The following SLC30A9 variants were observed in gnomAD, a reference collection of about 807,000 sequenced individuals.
The protein encoded by SLC30A9 is solute carrier family 30 member 9.
SLC30A9 carries 58 observed loss-of-function variants against 87.5 expected under a neutral mutation model. That is an observed-to-expected ratio of 0.66 (90% confidence interval 0.54 to 0.82). SLC30A9 has a LOEUF of 0.82. Among genes scored for constraint, SLC30A9 ranks in the 40% least tolerant of loss-of-function variants. SLC30A9 has a pLI of 0.00. For synonymous variants in SLC30A9, 234 were observed against 233.0 expected (o/e 1.00, Z -0.04); for missense variants, 557 against 679.1 (o/e 0.82, Z 2.00).
intron 14 of SLC30A9, among the ~76,000 whole-genome samples, chr4:42,068,599 A>ATGTTG (rs1386803878): frequency 3.3e-5 from 5 of 152,202 alleles, no homozygotes; most frequent in Non-Finnish European, 7.3e-5. Flanking sequence ...GTTTTGTTAT[A>ATGTTG]TGTTGTTCCC....
intron 16 of SLC30A9, among the ~76,000 whole-genome samples, chr4:42,076,377 A>G (rs182996937): frequency 3.7e-4 from 57 of 152,296 alleles, no homozygotes; most frequent in Non-Finnish European, 4.4e-5. Context: ...TTCCATCCCT[A>G]GAATTAAACA....
chr4:42,058,210 C>A (rs1391362098), intron 9 of SLC30A9, among the ~76,000 whole-genome samples: 1 of 151,970 alleles, frequency 6.6e-6, no homozygotes, highest in East Asian at 1.9e-4. Flanking sequence ...TCATCTCTCT[C>A]AAGTTCAAAG....
At chr4:42,012,621 A>G (rs552242283) in intron 2 of SLC30A9, among the ~76,000 whole-genome samples, 23 of 152,304 alleles carry the variant, frequency 1.5e-4, no homozygotes, top group African/African-American at 5.5e-4. Context: ...TACATTCTGT[A>G]AGTTATTTTA....
intron 7 of SLC30A9, among the ~76,000 whole-genome samples, chr4:42,038,477 A>C (rs1716780426): frequency 6.6e-6 from 1 of 152,158 alleles, no homozygotes; most frequent in African/African-American, 2.4e-5. Context: ...TCTTATTTTA[A>C]TAAAACATAC....
At chr4:42,010,823 G>A (rs1214540411) in intron 2 of SLC30A9, among the ~76,000 whole-genome samples, 1 of 152,196 alleles carries the variant, frequency 6.6e-6, no homozygotes, top group African/African-American at 2.4e-5. Flanking sequence ...AAAAAGACAT[G>A]TTATATCAAA....
At chr4:42,017,156 T>G (rs975379248) in intron 2 of SLC30A9, among the ~76,000 whole-genome samples, 9 of 152,230 alleles carry the variant, frequency 5.9e-5, no homozygotes, top group African/African-American at 1.9e-4. Flanking sequence ...TAGCATCTTA[T>G]GATTTCATTT....
intron 2 of SLC30A9, among the ~76,000 whole-genome samples, chr4:42,005,843 G>A (rs1036694354): frequency 2.0e-5 from 3 of 152,104 alleles, no homozygotes; most frequent in African/African-American, 7.2e-5. Context: ...TATTTATTGA[G>A]CACTTTTTAT....
intron 2 of SLC30A9, among the ~76,000 whole-genome samples, chr4:42,016,074 G>A (rs1389443238): frequency 6.6e-6 from 1 of 152,078 alleles, no homozygotes; most frequent in African/African-American, 2.4e-5. Context: ...TTTGGGGGAA[G>A]TTATAATAAT....
chr4:42,038,219 C>T (rs1716771862), intron 7 of SLC30A9, among the ~76,000 whole-genome samples: 1 of 152,106 alleles, frequency 6.6e-6, no homozygotes, highest in Admixed American at 6.6e-5. Context: ...TCTACCAACA[C>T]ATCTTCCCGT....
chr4:42,050,331 T>C (rs1717334870), intron 9 of SLC30A9, among the ~76,000 whole-genome samples: 1 of 152,164 alleles, frequency 6.6e-6, no homozygotes. Context: ...ACTGTCTCTA[T>C]AAAATTTTAC....
intron 1 of SLC30A9, among the ~76,000 whole-genome samples, chr4:41,995,070 C>T (rs1714639575): frequency 6.6e-6 from 1 of 151,632 alleles, no homozygotes; most frequent in Non-Finnish European, 1.5e-5. Context: ...CCAGCCTGGC[C>T]AACATGGCAA....
At chr4:42,029,239 A>G in intron 6 of SLC30A9, 1 of 447,938 alleles carries the variant, frequency 2.2e-6, no homozygotes, top group South Asian at 1.9e-5. Flanking sequence ...TGAGGAGGGC[A>G]GTTGGAAGAA....
rs78053846 is a variant in SLC30A9 at position 42,019,158 on chromosome 4, T to A, written c.334+988T>A. Among the ~76,000 whole-genome samples the A allele has an allele frequency of 9.8e-3, 1,493 of 152,286 alleles. 7 individuals carry two copies. The highest frequency in any genetic ancestry group is 0.015 in the Non-Finnish European group (1,013 of 68,016). On this transcript the variant is annotated intron_variant, in intron 3 of 17. Transcript: ENST00000264451. The stretch of plus-strand genomic sequence containing the variant: ...AGTGATAGGTAATCTTAGGCTGAAT[T>A]TGCTCTTTCAACTTGGAAGTAGAAC...
In SLC30A9 at chr4:42,041,027, G is replaced by T. The variant is rs534882743; in HGVS notation, c.737+1974G>T. 3.9e-5 allele frequency among the ~76,000 whole-genome samples: 6 copies of T among 152,220 alleles called. No homozygotes were observed. The East Asian group carries it at 7.7e-4, about 20-fold the overall frequency. ...CAATCATGGTGGAAGGCAAGGAGGA[G>T]CAAGTTATGTCTTACATGGATGGCA... On this transcript the variant is annotated intron_variant, in intron 8 of 17. Transcript: ENST00000264451.
At chr4:42,005,402 G>T (rs1715160180) in intron 2 of SLC30A9, among the ~76,000 whole-genome samples, 1 of 152,276 alleles carries the variant, frequency 6.6e-6, no homozygotes, top group South Asian at 2.1e-4. Context: ...ATTTTCAGAG[G>T]AGTATTTTTT....
chr4:42,028,768 A>G (rs950596849), intron 6 of SLC30A9, among the ~76,000 whole-genome samples: 12 of 152,358 alleles, frequency 7.9e-5, no homozygotes, highest in African/African-American at 2.2e-4. Context: ...TCAGTGGTTT[A>G]GCAGTTTTAC....
chr4:42,049,506 T>A, intron 9 of SLC30A9, 27 bp downstream of exon 9: 1 of 1,271,640 alleles, frequency 7.9e-7, no homozygotes, highest in Non-Finnish European at 1.1e-6. Flanking sequence ...TTTTTATAAG[T>A]CAATTTTAAA....
In SLC30A9 at chr4:41,994,888, T is replaced by TG. The variant is rs1343584088; in HGVS notation, c.109+4132dup. Among the ~76,000 whole-genome samples, 20 of 146,340 alleles carry TG rather than the reference T, an allele frequency of 1.4e-4. No homozygotes were observed. In the South Asian group the frequency reaches 2.4e-3, roughly 17 times the overall value. On this transcript the variant is annotated intron_variant, in intron 1 of 17. Coordinates refer to ENST00000264451, the MANE Select transcript of SLC30A9 (RefSeq NM_006345.4). ...AATGCTCTTAGTTGTTTAAAGAGGT[T>TG]GGGGAGGAGGAGGGACCTCTGCTGG...
chr4:42,043,657 C>T (rs1717012549), intron 8 of SLC30A9, among the ~76,000 whole-genome samples: 1 of 152,176 alleles, frequency 6.6e-6, no homozygotes, highest in Admixed American at 6.5e-5. Flanking sequence ...AGGAGATTAT[C>T]CAGGAGAACT....
Sources: allele counts gnomAD v4.1 joint callset (sites outside exome capture counted in the v4.1 genomes callset), GRCh38; gene constraint gnomAD v4.1.1; transcripts MANE v1.5; gene names NCBI Gene and HGNC (gene_info 2026-07-23, HGNC 2026-07-21).